The following RGS6 variants were observed in gnomAD, a reference collection of about 807,000 sequenced individuals.
RGS6 encodes the protein regulator of G protein signaling 6.
In RGS6, 30 loss-of-function variants were observed where a neutral mutation model predicts 78.5. The ratio of observed to expected loss-of-function variants is 0.38; its 90% CI spans 0.29 to 0.52. RGS6 has a LOEUF of 0.52. RGS6 is among the 20% of genes least tolerant of loss of function. The pLI, the probability that RGS6 is intolerant of heterozygous loss-of-function variation, is 0.85. For synonymous variants in RGS6, 206 were observed against 206.0 expected (o/e 1.00, Z 0.00); for missense variants, 495 against 609.7 (o/e 0.81, Z 1.98).
At chr14:72,583,352 ATAGC>A in the RGS6 span, among the ~76,000 whole-genome samples, 1 of 152,252 alleles carries the variant, frequency 6.6e-6, no homozygotes, top group Non-Finnish European at 1.5e-5. Context: ...TGGATCAATG[ATAGC>A]TAGCTAGATA....
At chr14:72,321,191 G>A (rs868174052) in intron 2 of RGS6, among the ~76,000 whole-genome samples, 4 of 151,798 alleles carry the variant, frequency 2.6e-5, no homozygotes, top group Admixed American at 2.0e-4. Context: ...AGCTAAATAA[G>A]GGTTAGTTAC....
intron 3 of RGS6, among the ~76,000 whole-genome samples, chr14:72,375,044 A>G (rs532211661): frequency 6.6e-6 from 1 of 152,346 alleles, no homozygotes; most frequent in African/African-American, 2.4e-5. Flanking sequence ...GATAAAGCAG[A>G]TAAAAGTACT....
At chr14:72,304,104 C>A (rs574160912) in intron 2 of RGS6, among the ~76,000 whole-genome samples, 90 of 152,328 alleles carry the variant, frequency 5.9e-4, no homozygotes, top group Admixed American at 1.2e-3. Flanking sequence ...CACCTCTCCC[C>A]CTTGTTACTA....
At chr14:72,043,923 C>T (rs2092634036) in intron 2 of RGS6, among the ~76,000 whole-genome samples, 2 of 152,158 alleles carry the variant, frequency 1.3e-5, no homozygotes, top group Non-Finnish European at 2.9e-5. Flanking sequence ...GCTGCTGCTC[C>T]TTCCTACTCC....
At chr14:72,180,133 T>C (rs1246260148) in intron 2 of RGS6, among the ~76,000 whole-genome samples, 1 of 152,232 alleles carries the variant, frequency 6.6e-6, no homozygotes, top group Non-Finnish European at 1.5e-5. Flanking sequence ...TTTATTTCTC[T>C]TCCATTATTT....
the RGS6 span, among the ~76,000 whole-genome samples, chr14:72,574,411 GA>G: frequency 3.3e-5 from 5 of 152,150 alleles, no homozygotes; most frequent in African/African-American, 4.8e-5. Flanking sequence ...GCATTGCAAA[GA>G]GGAAGGCAGG....
At chr14:72,339,740 G>A (rs1469610032) in intron 2 of RGS6, among the ~76,000 whole-genome samples, 1 of 152,176 alleles carries the variant, frequency 6.6e-6, no homozygotes, top group African/African-American at 2.4e-5. Flanking sequence ...CATGAAAGCA[G>A]CAGAGCCTGA....
At chr14:72,266,408 GCA>G (rs1391666496) in intron 2 of RGS6, among the ~76,000 whole-genome samples, 3 of 152,156 alleles carry the variant, frequency 2.0e-5, no homozygotes, top group Non-Finnish European at 4.4e-5. Context: ...TTCGGTGGTT[GCA>G]CAGTTATGCC....
Position 72,483,240 on chromosome 14 carries a change from G to A in RGS6, c.854+4911G>A, listed in dbSNP as rs115492882. Among the ~76,000 whole-genome samples the A allele has an allele frequency of 3.1e-3, 467 of 152,262 alleles. 3 individuals carry two copies. Among genetic ancestry groups the A allele is most frequent in the African/African-American group, 0.011 (456 of 41,542 alleles). ...CCAGAGACTTCTCCCGACCCATAGCGAGCTTACACCACAATCACTGCAGCT... is the reference window on the plus strand; with the variant it reads ...CCAGAGACTTCTCCCGACCCATAGCAAGCTTACACCACAATCACTGCAGCT... On this transcript the variant is annotated intron_variant, in intron 12 of 17. Coordinates refer to ENST00000553525, the MANE Select transcript of RGS6 (RefSeq NM_001204424.2).
At chr14:72,331,286 A>G (rs1488417401) in intron 2 of RGS6, among the ~76,000 whole-genome samples, 1 of 151,926 alleles carries the variant, frequency 6.6e-6, no homozygotes, top group Non-Finnish European at 1.5e-5. Context: ...TGGTTTTTGA[A>G]CACTTTCCTT....
At chr14:72,381,547 T>C (rs1213941428) in intron 3 of RGS6, among the ~76,000 whole-genome samples, 1 of 152,146 alleles carries the variant, frequency 6.6e-6, no homozygotes, top group Non-Finnish European at 1.5e-5. Context: ...AGACCATCTT[T>C]CATGTGCTCT....
At chr14:72,015,926 G>A (rs1364484581) in intron 2 of RGS6, among the ~76,000 whole-genome samples, 1 of 151,864 alleles carries the variant, frequency 6.6e-6, no homozygotes, top group Non-Finnish European at 1.5e-5. Flanking sequence ...TTTTATTAAT[G>A]ATTTATAAGA....
intron 17 of RGS6, among the ~76,000 whole-genome samples, chr14:72,549,232 C>A (rs2097459679): frequency 6.6e-6 from 1 of 150,596 alleles, no homozygotes; most frequent in Non-Finnish European, 1.5e-5. Flanking sequence ...TCCTTGCCTT[C>A]TTTTCTGTTT....
intron 3 of RGS6, among the ~76,000 whole-genome samples, chr14:72,363,825 G>T (rs993911692): frequency 6.6e-6 from 1 of 151,688 alleles, no homozygotes; most frequent in Non-Finnish European, 1.5e-5. Flanking sequence ...CAGTACAAAG[G>T]GCAGTCAGTG....
At chr14:71,919,635 T>C in the RGS6 span, among the ~76,000 whole-genome samples, 3 of 152,194 alleles carry the variant, frequency 2.0e-5, no homozygotes, top group African/African-American at 7.2e-5. Context: ...GGTTAATATA[T>C]GCAGCTTCAA....
rs565547929 is a variant in RGS6, at chr14:72,480,949, A to T, written c.854+2620A>T. 5.9e-5 allele frequency among the ~76,000 whole-genome samples: 9 copies of T among 152,280 alleles called. No homozygotes were observed. The East Asian group carries it at 1.7e-3, about 29-fold the overall frequency. ...GGGGACAGCGAGGCTGGGCTCTGGG[A>T]TGTCTACAGTCAGGGTTGGACTAAA... On this transcript the variant is annotated intron_variant, in intron 12 of 17. Coordinates refer to ENST00000553525, the MANE Select transcript of RGS6 (RefSeq NM_001204424.2).
At chr14:72,248,621 T>G (rs146945894) in intron 2 of RGS6, among the ~76,000 whole-genome samples, 1 of 152,234 alleles carries the variant, frequency 6.6e-6, no homozygotes, top group South Asian at 2.1e-4. Flanking sequence ...CTTTTAATTC[T>G]TTCTTTGGTT....
chr14:71,889,036 G>A, the RGS6 span, among the ~76,000 whole-genome samples: 1 of 152,262 alleles, frequency 6.6e-6, no homozygotes, highest in South Asian at 2.1e-4. Flanking sequence ...GCATGATATT[G>A]TCATGGCCTT....
At position 72,316,291 on chromosome 14, in the gene RGS6, G is replaced by C. The variant is rs1419735577; in HGVS notation, c.85-35804G>C. 2.0e-5 allele frequency among the ~76,000 whole-genome samples: 3 copies of C among 151,984 alleles called. No homozygotes were observed. In the East Asian group the frequency reaches 5.8e-4, roughly 29 times the overall value. ...TAGGGTACATGTGCACAATGTGCAGGTTTGTTACATATGTATACATGTGCC... is the reference window on the plus strand; with the variant it reads ...TAGGGTACATGTGCACAATGTGCAGCTTTGTTACATATGTATACATGTGCC... On this transcript the variant is annotated intron_variant, in intron 2 of 17. Transcript: ENST00000553525.
Sources: gnomAD v4.1 joint callset for allele counts (sites outside exome capture counted in the v4.1 genomes callset) on GRCh38, gnomAD v4.1.1 for gene constraint, MANE v1.5 for transcripts, NCBI Gene and HGNC (gene_info 2026-07-23, HGNC 2026-07-21) for gene names.